Variants in PLEKHG5 observed in about 807,000 individuals in gnomAD.
PLEKHG5 encodes pleckstrin homology and RhoGEF domain containing G5, also known as pleckstrin homology domain-containing family G member 5.
A neutral mutation model predicts 103.8 loss-of-function variants in PLEKHG5; 52 were observed. The ratio of observed to expected loss-of-function variants is 0.50; its 90% CI spans 0.40 to 0.63. PLEKHG5 has a LOEUF of 0.63. Ranked by LOEUF, PLEKHG5 falls within the 30% of genes least tolerant of loss-of-function variation. PLEKHG5 has a pLI of 0.00. For synonymous variants in PLEKHG5, 592 were observed against 575.5 expected, an observed-to-expected ratio of 1.03 and a Z score of -0.41; for missense variants, 1,205 against 1,347.6, an observed-to-expected ratio of 0.89 and a Z score of 1.66.
upstream of PLEKHG5, among the ~76,000 whole-genome samples, chr1:6,495,310 C>T (rs1050298135): frequency 3.3e-5 from 5 of 152,342 alleles, no homozygotes; most frequent in East Asian, 9.6e-4. Flanking sequence ...ACCACGGCAA[C>T]TGGAGGCCGC....
At chr1:6,470,126 C>T in intron 16 of PLEKHG5, 110 bp downstream of exon 16, 1 of 1,231,970 alleles carries the variant, frequency 8.1e-7, no homozygotes, top group African/African-American at 1.5e-5. Context: ...GACAAGGTCA[C>T]TGGTTCTTGA....
chr1:6,480,674 G>C (rs1308300872), intron 1 of PLEKHG5, among the ~76,000 whole-genome samples: 2 of 151,112 alleles, frequency 1.3e-5, no homozygotes, highest in African/African-American at 4.9e-5. Context: ...TTTGAGACAG[G>C]GTCTCACTCT....
intron 1 of PLEKHG5, among the ~76,000 whole-genome samples, chr1:6,504,573 T>C (rs1241276506): frequency 2.6e-5 from 1 of 38,172 alleles, no homozygotes; most frequent in Admixed American, 1.7e-4. Flanking sequence ...TTTTTTTTTC[T>C]TTTTTTTTTT....
chr1:6,482,767 G>A (rs1021996463), intron 1 of PLEKHG5, among the ~76,000 whole-genome samples: 4 of 152,138 alleles, frequency 2.6e-5, no homozygotes, highest in African/African-American at 9.7e-5. Flanking sequence ...GGAGAGCAGT[G>A]GCATGATCTT....
At chr1:6,485,831 C>A (rs1170337891) in intron 1 of PLEKHG5, 1 of 968,168 alleles carries the variant, frequency 1.0e-6, no homozygotes, top group African/African-American at 1.8e-5. Flanking sequence ...CCGGGGTACC[C>A]CCACCTCTGC....
chr1:6,500,200 G>A (rs1379161182), upstream of PLEKHG5, among the ~76,000 whole-genome samples: 1 of 152,208 alleles, frequency 6.6e-6, no homozygotes, highest in Non-Finnish European at 1.5e-5. Flanking sequence ...GAGCCCACAG[G>A]CAGGACTACT....
At chr1:6,500,898 C>T (rs1173890803), upstream of PLEKHG5, among the ~76,000 whole-genome samples, 3 of 152,242 alleles carry the variant, frequency 2.0e-5, no homozygotes, top group African/African-American at 7.2e-5. Context: ...TCCCCCGACC[C>T]TGTCTCAGTC....
At chr1:6,495,289 C>T (rs975906685), upstream of PLEKHG5, among the ~76,000 whole-genome samples, 1 of 152,260 alleles carries the variant, frequency 6.6e-6, no homozygotes, top group Non-Finnish European at 1.5e-5. Context: ...ACACCGCCCC[C>T]CTGCCTGGTG....
chr1:6,504,251 G>GC (rs1432443403), intron 1 of PLEKHG5, among the ~76,000 whole-genome samples: 4 of 151,898 alleles, frequency 2.6e-5, no homozygotes, highest in Non-Finnish European at 4.4e-5. Flanking sequence ...GGGGAGATTT[G>GC]CCCCCCCAAC....
chr1:6,489,913 C>A lies in PLEKHG5; in HGVS notation c.-88+1724G>T, dbSNP rs982872449. Among the ~76,000 whole-genome samples the A allele has an allele frequency of 5.3e-5, 8 of 152,310 alleles. No homozygotes were observed. In the East Asian group the frequency reaches 1.4e-3, roughly 26 times the overall value. On this transcript the variant is annotated intron_variant, in intron 1 of 20. Coordinates refer to ENST00000377728, the MANE Select transcript of PLEKHG5 (RefSeq NM_020631.6). Reference sequence around the variant, plus strand: ...TTACTAAGGAATCTGCAGGGGACCTCTTGGCCTCCATTTCCCAGACTTCCA... The same window carrying A: ...TTACTAAGGAATCTGCAGGGGACCTATTGGCCTCCATTTCCCAGACTTCCA...
At chr1:6,506,326 T>TG (rs1182793003) in intron 1 of PLEKHG5, among the ~76,000 whole-genome samples, 1 of 152,106 alleles carries the variant, frequency 6.6e-6, no homozygotes, top group Non-Finnish European at 1.5e-5. Context: ...TGGGAGCGGC[T>TG]GGGGGCCTCA....
intron 10 of PLEKHG5, 22 bp from the exon 11 acceptor site, chr1:6,471,830 T>C (rs758327819): frequency 5.6e-6 from 9 of 1,596,692 alleles, no homozygotes; most frequent in Non-Finnish European, 7.7e-6. Context: ...GGGGATGGTG[T>C]GACTGGGGTC....
chr1:6,502,952 GGT>G (rs1296593997), intron 1 of PLEKHG5, among the ~76,000 whole-genome samples: 1 of 152,206 alleles, frequency 6.6e-6, no homozygotes, highest in Non-Finnish European at 1.5e-5. Context: ...GGCACACACG[GGT>G]GAACAGGTCT....
chr1:6,487,884 C>T lies in PLEKHG5; in HGVS notation c.-88+3753G>A, dbSNP rs769262622. Among the ~76,000 whole-genome samples, 3 of 152,184 alleles carry T rather than the reference C, an allele frequency of 2.0e-5. No homozygotes were observed. The highest frequency in any genetic ancestry group is 2.9e-5 in the Non-Finnish European group (2 of 68,032). ...GAACAGTCCTGGTGCACAGTAGGTG[C>T]GCTTGGTGGGGATGAGATCAGTGAA... On this transcript the variant is annotated intron_variant, in intron 1 of 20. Coordinates refer to ENST00000377728, the MANE Select transcript of PLEKHG5 (RefSeq NM_020631.6). The surrounding 1 kb of genome is among the most constrained non-coding windows in gnomAD (Gnocchi z 4.1).
At chr1:6,472,949 G>A (rs752863647) in intron 9 of PLEKHG5, 37 bp downstream of exon 9, 10 of 1,593,752 alleles carry the variant, frequency 6.3e-6, no homozygotes, top group South Asian at 1.1e-5. Flanking sequence ...TCCTCCTTTC[G>A]GGACAAGGAG....
chr1:6,469,518 A>ATG (rs2148579574), intron 17 of PLEKHG5, 26 bp downstream of exon 17: 1 of 1,613,790 alleles, frequency 6.2e-7, no homozygotes, highest in East Asian at 2.2e-5. Context: ...GCCCCTGACC[A>ATG]GGAACAGGGG....
chr1:6,467,199 G>T lies in PLEKHG5; in HGVS notation c.*364C>A. 2.1e-6 allele frequency: 1 copy of T among 474,222 alleles called. No individual in the cohort carries two copies. The highest frequency in any genetic ancestry group is 3.9e-6 in the Non-Finnish European group (1 of 256,436). 29.4% of individuals were successfully genotyped at this position (474,222 alleles called of 1,614,324 possible). ...CTTCACAGAACCCAGCCCAAGCCAG[G>T]GGTGGCCTGTGGGACTGGGAAGGTG... On this transcript the variant is annotated 3_prime_UTR_variant, in exon 21 of 21. Coordinates refer to ENST00000377728, the MANE Select transcript of PLEKHG5 (RefSeq NM_020631.6).
intron 1 of PLEKHG5, among the ~76,000 whole-genome samples, chr1:6,506,841 G>A (rs1004687280): frequency 2.0e-5 from 3 of 152,188 alleles, no homozygotes; most frequent in African/African-American, 7.2e-5. Flanking sequence ...TCCCTTTCGG[G>A]GCTGGCCACA....
rs780277728 is a variant in PLEKHG5 at position 6,473,067 on chromosome 1, C to T, written c.903G>A (p.Glu301=). Residue 301 remains glutamate (E), a synonymous_variant, in exon 9 of 21, where the codon GAG becomes GAA. Transcript: ENST00000377728. The part of the protein sequence containing the change: ...GLRFDHDSWE[E]EYDEDEDEDN... ...CCTCATCCTCGTCTTCATCGTACTC[C>T]TCCTCCCAGGAGTCATGGTCGAAGC... 1.1e-5 allele frequency: 17 copies of T among 1,613,846 alleles called. No individual in the cohort carries two copies. Among genetic ancestry groups the T allele is most frequent in the African/African-American group, 2.7e-5 (2 of 74,940 alleles).
Sources: allele counts gnomAD v4.1 joint callset (sites outside exome capture counted in the v4.1 genomes callset), GRCh38; gene constraint gnomAD v4.1.1; non-coding constraint Gnocchi (gnomAD v3.1); transcripts MANE v1.5; gene names NCBI Gene and HGNC (gene_info 2026-07-23, HGNC 2026-07-21).